The following RPH3AL variants were observed in gnomAD, a reference collection of about 807,000 sequenced individuals.
RPH3AL encodes the protein rab effector Noc2.
Under a neutral mutation model 43.1 loss-of-function variants are expected in RPH3AL, and 38 were observed. The ratio of observed to expected loss-of-function variants is 0.88; its 90% CI spans 0.68 to 1.15. RPH3AL has a LOEUF of 1.15. RPH3AL is among the 50% of genes most tolerant of loss of function. The pLI, the probability that RPH3AL is intolerant of heterozygous loss-of-function variation, is 0.00. For synonymous variants in RPH3AL, 189 were observed against 176.3 expected (o/e 1.07, Z -0.57); for missense variants, 462 against 423.2 (o/e 1.09, Z -0.81).
At chr17:259,500 C>A (rs915953591) in intron 6 of RPH3AL, among the ~76,000 whole-genome samples, 8 of 152,212 alleles carry the variant, frequency 5.3e-5, no homozygotes, top group African/African-American at 1.9e-4. Context: ...TCCACATCTA[C>A]CCCTCCCCGC....
intron 6 of RPH3AL, among the ~76,000 whole-genome samples, chr17:263,268 T>C (rs2042243269): frequency 1.3e-5 from 2 of 152,154 alleles, no homozygotes; most frequent in African/African-American, 4.8e-5. Context: ...GAAAATATTA[T>C]ACAAAGTCAC....
At chr17:336,885 C>T (rs1319800373) in intron 1 of RPH3AL, among the ~76,000 whole-genome samples, 1 of 152,184 alleles carries the variant, frequency 6.6e-6, no homozygotes, top group Non-Finnish European at 1.5e-5. Flanking sequence ...CCTCCTCCAC[C>T]TGGGGGTGGC....
intron 5 of RPH3AL, among the ~76,000 whole-genome samples, chr17:310,277 T>C (rs2043609968): frequency 1.3e-5 from 2 of 152,290 alleles, no homozygotes; most frequent in Non-Finnish European, 1.5e-5. Context: ...AGTCGAGGCA[T>C]GCAGGCCCAA....
chr17:282,447 C>T (rs940831952), intron 5 of RPH3AL, among the ~76,000 whole-genome samples: 1 of 152,068 alleles, frequency 6.6e-6, no homozygotes, highest in Non-Finnish European at 1.5e-5. Flanking sequence ...CCACGGATTC[C>T]GGTCGGACTC....
intron 7 of RPH3AL, among the ~76,000 whole-genome samples, chr17:222,240 A>G (rs553150895): frequency 6.6e-6 from 1 of 152,334 alleles, no homozygotes; most frequent in South Asian, 2.1e-4. Flanking sequence ...CATTACCCCC[A>G]TTTCACAGGC....
In RPH3AL at chr17:264,474, T is replaced by C. The variant is rs558989994; in HGVS notation, c.439-17189A>G. ...GATTACCCTTCGGAGCCGCGAGCGC[T>C]GGATGGGGACTCAGAATCCGCAGCA... is the stretch of plus-strand genomic sequence containing the variant. On this transcript the variant is annotated intron_variant, in intron 6 of 9. Transcript: ENST00000331302. The surrounding 1 kb of genome is among the most constrained non-coding windows in gnomAD (Gnocchi z 4.8). Among the ~76,000 whole-genome samples the C allele has an allele frequency of 7.8e-4, 116 of 148,128 alleles. 2 individuals are homozygous for C. Among genetic ancestry groups the C allele is most frequent in the Non-Finnish European group, 1.5e-3 (98 of 66,694 alleles).
intron 7 of RPH3AL, among the ~76,000 whole-genome samples, chr17:244,749 C>G (rs1158421275): frequency 6.6e-6 from 1 of 152,144 alleles, no homozygotes; most frequent in Non-Finnish European, 1.5e-5. Flanking sequence ...AAAAGGCCAT[C>G]TTTTAATTAA....
chr17:238,911 A>G (rs573238633), intron 7 of RPH3AL, among the ~76,000 whole-genome samples: 1 of 152,328 alleles, frequency 6.6e-6, no homozygotes, highest in Admixed American at 6.5e-5. Context: ...GGCCCTATGC[A>G]AAAGCTGACT....
At chr17:321,967 C>T (rs2044494254) in intron 3 of RPH3AL, among the ~76,000 whole-genome samples, 1 of 152,228 alleles carries the variant, frequency 6.6e-6, no homozygotes, top group Admixed American at 6.5e-5. Context: ...GAGCTCGGAG[C>T]TCCGTAAGGT....
rs376725801 is a variant in RPH3AL at position 245,015 on chromosome 17, T to G, written c.613+2096A>C. ...GTATGCATGTGGATATGAGTGTGTG[T>G]ATGTGGATGTGTGTGTGGATGTGAG... On this transcript the variant is annotated intron_variant, in intron 7 of 9. Transcript: ENST00000331302. The surrounding 1 kb of genome is among the most constrained non-coding windows in gnomAD (Gnocchi z 5.9). 3.9e-5 allele frequency among the ~76,000 whole-genome samples: 6 copies of G among 152,116 alleles called. No individual in the cohort carries two copies. Among genetic ancestry groups the G allele is most frequent in the Non-Finnish European group, 7.4e-5 (5 of 68,020 alleles).
At chr17:342,692 T>C (rs918846147) in intron 1 of RPH3AL, among the ~76,000 whole-genome samples, 1 of 152,154 alleles carries the variant, frequency 6.6e-6, no homozygotes, top group Non-Finnish European at 1.5e-5. Context: ...CTAGGGCTTG[T>C]TGGGGTCAGG....
Position 213,774 on chromosome 17 carries a change from A to C in RPH3AL, c.*78T>G. 8.4e-7 allele frequency: 1 copy of C among 1,185,678 alleles called. No individual in the cohort carries two copies. Among genetic ancestry groups the C allele is most frequent in the Non-Finnish European group, 1.2e-6 (1 of 806,916 alleles). The allele number at this position is 1,185,678 out of a possible 1,614,324, so 73.4% of individuals were successfully genotyped here. On this transcript the variant is annotated 3_prime_UTR_variant, in exon 10 of 10. Coordinates refer to ENST00000331302, the MANE Select transcript of RPH3AL (RefSeq NM_006987.4). ...CCAACAGGGTGTCTGGTGAGGGCAC[A>C]AGGACCGGTCAGGGAGGAGCCGGGC...
At chr17:265,847 C>G (rs2042307053) in intron 6 of RPH3AL, among the ~76,000 whole-genome samples, 1 of 110,154 alleles carries the variant, frequency 9.1e-6, no homozygotes. Context: ...GGGCTGTCTT[C>G]TCTCCTTGTG....
At chr17:218,723 C>A (rs985887556) in intron 8 of RPH3AL, among the ~76,000 whole-genome samples, 1 of 152,198 alleles carries the variant, frequency 6.6e-6, no homozygotes, top group Non-Finnish European at 1.5e-5. Flanking sequence ...CTCTTTCATA[C>A]AGCAGTTTCC....
chr17:235,745 G>A (rs192390330), intron 7 of RPH3AL, among the ~76,000 whole-genome samples: 11,239 of 120,868 alleles, frequency 0.093, 1,683 homozygotes, highest in East Asian at 0.21. Flanking sequence ...CTAACAAGAC[G>A]GATCCAGGGT....
At chr17:307,395 G>A (rs900907218) in intron 5 of RPH3AL, among the ~76,000 whole-genome samples, 31 of 118,454 alleles carry the variant, frequency 2.6e-4, no homozygotes, top group Admixed American at 1.1e-3. Context: ...GGTCCATCCC[G>A]CGGCAGGTCC....
rs142633203 is a variant in RPH3AL, at chr17:327,855, C to T, written c.-36-276G>A. ...TGGCAGGGCATCAAAAGGTTAGAGT[C>T]AGAAAGGAGAGAGGAGGCTCACCCT... On this transcript the variant is annotated intron_variant, in intron 2 of 9. Coordinates refer to ENST00000331302, the MANE Select transcript of RPH3AL (RefSeq NM_006987.4). Among the ~76,000 whole-genome samples, 109 of 152,318 alleles carry T rather than the reference C, an allele frequency of 7.2e-4. No homozygotes were observed. In the Middle Eastern group the frequency reaches 0.014, roughly 19 times the overall value.
At chr17:296,880 G>A (rs899168709) in intron 5 of RPH3AL, among the ~76,000 whole-genome samples, 3 of 152,194 alleles carry the variant, frequency 2.0e-5, no homozygotes, top group African/African-American at 4.8e-5. Context: ...CACCAGCTCC[G>A]CTCAGGAGGC....
intron 5 of RPH3AL, among the ~76,000 whole-genome samples, chr17:286,438 AGGGGGCAG>A (rs2042913892): frequency 1.2e-5 from 1 of 81,310 alleles, no homozygotes; most frequent in African/African-American, 5.0e-5. Context: ...TCTGGCTGGC[AGGGGGCAG>A]GGGGCGTTCC....
Sources: gnomAD v4.1 joint callset for allele counts (sites outside exome capture counted in the v4.1 genomes callset) on GRCh38, gnomAD v4.1.1 for gene constraint, Gnocchi (gnomAD v3.1) non-coding constraint, MANE v1.5 for transcripts, NCBI Gene and HGNC (gene_info 2026-07-23, HGNC 2026-07-21) for gene names.